The following SLC44A5 variants were observed in gnomAD, a reference collection of about 807,000 sequenced individuals.
SLC44A5 encodes the protein choline transporter-like protein 5.
SLC44A5 carries 57 observed loss-of-function variants against 101.8 expected under a neutral mutation model. That is an observed-to-expected ratio of 0.56 (90% CI 0.45 to 0.70). SLC44A5 has a LOEUF of 0.70. Among genes scored for constraint, SLC44A5 ranks in the 30% least tolerant of loss-of-function variants. The pLI, the probability that SLC44A5 is intolerant of heterozygous loss-of-function variation, is 0.00. For synonymous variants in SLC44A5, 281 were observed against 290.9 expected, an observed-to-expected ratio of 0.97 and a Z score of 0.35; for missense variants, 737 against 853.1, an observed-to-expected ratio of 0.86 and a Z score of 1.70.
At chr1:75,439,058 G>A (rs1038709826) in intron 2 of SLC44A5, among the ~76,000 whole-genome samples, 1 of 152,146 alleles carries the variant, frequency 6.6e-6, no homozygotes, top group Non-Finnish European at 1.5e-5. Flanking sequence ...GCACTGGAAG[G>A]TGGGGCCTAA....
At chr1:75,463,419 CAA>C (rs34371845) in intron 2 of SLC44A5, among the ~76,000 whole-genome samples, 361 of 69,980 alleles carry the variant, frequency 5.2e-3, no homozygotes, top group African/African-American at 0.02. Context: ...GACTCTGTCT[CAA>C]AAAAAAAAAA....
intron 3 of SLC44A5, among the ~76,000 whole-genome samples, chr1:75,359,660 G>C (rs1481981248): frequency 1.3e-5 from 2 of 152,036 alleles, no homozygotes; most frequent in African/African-American, 4.8e-5. Flanking sequence ...ATAACATATT[G>C]ATTTCAATTC....
At chr1:75,416,981 G>C (rs1279683339) in intron 2 of SLC44A5, among the ~76,000 whole-genome samples, 2 of 152,142 alleles carry the variant, frequency 1.3e-5, no homozygotes, top group Admixed American at 1.3e-4. Context: ...TGAGACTTTG[G>C]ACTGTGGAAC....
At chr1:75,466,828 G>A (rs979474154) in intron 2 of SLC44A5, among the ~76,000 whole-genome samples, 5 of 151,982 alleles carry the variant, frequency 3.3e-5, no homozygotes, top group African/African-American at 1.2e-4. Flanking sequence ...ACATAGTACT[G>A]AAATTCCTAG....
At chr1:75,218,865 C>T (rs1647017987) in intron 16 of SLC44A5, 113 bp from the exon 17 acceptor site, 1 of 953,302 alleles carries the variant, frequency 1.0e-6, no homozygotes, top group Non-Finnish European at 1.5e-6. Context: ...TCTCTGTTAG[C>T]TCCTGCTCTT....
At chr1:75,632,169 C>T in the SLC44A5 span, among the ~76,000 whole-genome samples, 9 of 152,240 alleles carry the variant, frequency 5.9e-5, no homozygotes, top group African/African-American at 1.9e-4. Context: ...TGTCTCTGAA[C>T]TCTGAAACTT....
intron 4 of SLC44A5, among the ~76,000 whole-genome samples, chr1:75,307,030 G>T (rs1005182849): frequency 6.6e-6 from 1 of 151,988 alleles, no homozygotes; most frequent in South Asian, 2.1e-4. Context: ...GAGCCACCGC[G>T]CCCGGCCGGT....
chr1:75,462,995 A>C (rs1438650768), intron 2 of SLC44A5, among the ~76,000 whole-genome samples: 1 of 152,212 alleles, frequency 6.6e-6, no homozygotes, highest in Non-Finnish European at 1.5e-5. Flanking sequence ...AAAATGACAG[A>C]GAACTTCCCA....
At chr1:75,516,200 C>A (rs1422681402) in intron 2 of SLC44A5, among the ~76,000 whole-genome samples, 2 of 152,194 alleles carry the variant, frequency 1.3e-5, no homozygotes, top group Admixed American at 1.3e-4. Flanking sequence ...AATTCCTTAT[C>A]TAAAGCCTGA....
the SLC44A5 span, among the ~76,000 whole-genome samples, chr1:75,675,528 C>T: frequency 6.6e-6 from 1 of 151,970 alleles, no homozygotes; most frequent in African/African-American, 2.4e-5. Context: ...ACGATCACTC[C>T]CTTACACCTT....
chr1:75,307,377 A>C (rs1336468941), intron 4 of SLC44A5, among the ~76,000 whole-genome samples: 1 of 152,130 alleles, frequency 6.6e-6, no homozygotes, highest in Non-Finnish European at 1.5e-5. Context: ...TTCTTACCAC[A>C]AAAGTCTGTC....
the SLC44A5 span, among the ~76,000 whole-genome samples, chr1:75,680,809 T>A: frequency 2.8e-5 from 4 of 145,210 alleles, no homozygotes; most frequent in Admixed American, 7.0e-5. Flanking sequence ...TTCAAAAAAT[T>A]AATGAATCCA....
At chr1:75,659,482 AAGGAAGGAAGGC>A in the SLC44A5 span, among the ~76,000 whole-genome samples, 12 of 76,310 alleles carry the variant, frequency 1.6e-4, no homozygotes, top group South Asian at 1.2e-3. Flanking sequence ...GGAAGGAAGG[AAGGAAGGAAGGC>A]AGGCAGGCAG....
At chr1:75,605,682 G>T (rs893479244) in intron 1 of SLC44A5, among the ~76,000 whole-genome samples, 3 of 152,160 alleles carry the variant, frequency 2.0e-5, no homozygotes, top group Admixed American at 1.3e-4. Context: ...TATAAAATTC[G>T]ATTATACTAT....
At chr1:75,357,145 T>A (rs1167297238) in intron 3 of SLC44A5, 1 of 454,302 alleles carries the variant, frequency 2.2e-6, no homozygotes. Context: ...TCTTCAGTTA[T>A]CTTACTTGCA....
the SLC44A5 span, among the ~76,000 whole-genome samples, chr1:75,680,028 A>G: frequency 6.6e-6 from 1 of 152,228 alleles, no homozygotes; most frequent in African/African-American, 2.4e-5. Context: ...CCATTACATA[A>G]TGGTAAAGGG....
chr1:75,555,328 A>G (rs973951913), intron 1 of SLC44A5, among the ~76,000 whole-genome samples: 1 of 152,244 alleles, frequency 6.6e-6, no homozygotes, highest in African/African-American at 2.4e-5. Context: ...GGAGATGAAA[A>G]TGTTCTATAT....
chr1:75,458,675 A>G (rs1304254153), intron 2 of SLC44A5, among the ~76,000 whole-genome samples: 1 of 152,194 alleles, frequency 6.6e-6, no homozygotes, highest in Non-Finnish European at 1.5e-5. Context: ...GGAATCAAGG[A>G]TACTATCTAC....
At chr1:75,554,347 AG>A (rs1295362044) in intron 1 of SLC44A5, among the ~76,000 whole-genome samples, 1 of 151,856 alleles carries the variant, frequency 6.6e-6, no homozygotes, top group African/African-American at 2.4e-5. Flanking sequence ...GTGTGCCTGT[AG>A]TCCCAGCTAC....
Sources: gnomAD v4.1 joint callset for allele counts (sites outside exome capture counted in the v4.1 genomes callset) on GRCh38, gnomAD v4.1.1 for gene constraint, MANE v1.5 for transcripts, NCBI Gene and HGNC (gene_info 2026-07-23, HGNC 2026-07-21) for gene names.